ITPR2: variants seen among roughly 807,000 people sequenced by gnomAD.
The protein encoded by ITPR2 is inositol 1,4,5-trisphosphate-gated calcium channel ITPR2.
Under a neutral mutation model 317.1 loss-of-function variants are expected in ITPR2, and 207 were observed. The observed-to-expected ratio is 0.65, with a 90% CI of 0.58 to 0.73. The LOEUF is 0.73. Among genes scored for constraint, ITPR2 ranks in the 30% least tolerant of loss-of-function variants. ITPR2 has a pLI of 0.00. For missense variants in ITPR2, 2,613 were observed against 3,284.0 expected, an observed-to-expected ratio of 0.80 and a Z score of 4.99; for synonymous variants, 1,156 against 1,149.1, an observed-to-expected ratio of 1.01 and a Z score of -0.12.
At chr12:26,404,759 A>G (rs1218401922) in intron 52 of ITPR2, among the ~76,000 whole-genome samples, 1 of 152,204 alleles carries the variant, frequency 6.6e-6, no homozygotes, top group Non-Finnish European at 1.5e-5. Flanking sequence ...AGATGATGAC[A>G]AGGAAAAGAT....
intron 32 of ITPR2, among the ~76,000 whole-genome samples, chr12:26,592,108 C>T (rs973047210): frequency 3.3e-5 from 5 of 152,114 alleles, no homozygotes; most frequent in Non-Finnish European, 7.4e-5. Context: ...ACAACATAGA[C>T]GGAACTGGAG....
chr12:26,365,022 T>C (rs1419351103), intron 55 of ITPR2, among the ~76,000 whole-genome samples: 1 of 152,206 alleles, frequency 6.6e-6, no homozygotes, highest in Non-Finnish European at 1.5e-5. Flanking sequence ...CTGACTACAG[T>C]TATCTGGTAT....
At chr12:26,756,979 C>A (rs1467553106) in intron 2 of ITPR2, among the ~76,000 whole-genome samples, 1 of 152,160 alleles carries the variant, frequency 6.6e-6, no homozygotes, top group Non-Finnish European at 1.5e-5. Flanking sequence ...GAAGCCTTTA[C>A]CAAGATAGCC....
intron 34 of ITPR2, among the ~76,000 whole-genome samples, chr12:26,567,159 G>C (rs972187479): frequency 1.3e-5 from 2 of 152,156 alleles, no homozygotes; most frequent in Non-Finnish European, 2.9e-5. Context: ...CATCAAATAA[G>C]TGTTGCTGCT....
At chr12:26,476,769 G>GTATTGGT (rs2136824327) in intron 44 of ITPR2, 143 bp downstream of exon 44, 1 of 601,578 alleles carries the variant, frequency 1.7e-6, no homozygotes, top group East Asian at 2.8e-5. Context: ...GCCTTCTGAG[G>GTATTGGT]TATTGGTAAT....
chr12:26,556,309 C>T lies in ITPR2; in HGVS notation c.4888G>A (p.Asp1630Asn). The T allele has an allele frequency of 1.9e-6, 3 of 1,614,070 alleles. No homozygotes were observed. Among genetic ancestry groups the T allele is most frequent in the Non-Finnish European group, 2.5e-6 (3 of 1,179,954 alleles). ...AGCAGTTCTGGACTGTACAATACAT[C>T]AACCAACACTGAGAATTCAGCCTGC... Reference protein sequence around the residue: ...MMQAEFSVLVDVLYSPELLFP... With the variant: ...MMQAEFSVLVNVLYSPELLFP... Residue 1630 changes from aspartate to asparagine, a missense_variant, in exon 36 of 57, where the codon GAT becomes AAT. Physicochemically the swap from Asp to Asn is conservative, Grantham distance 23 (BLOSUM62 1). Around this residue, in one of 9 missense-constraint regions of ITPR2, gnomAD observed 926 missense variants for 1,072.8 expected, o/e 0.86. Coordinates refer to ENST00000381340, the MANE Select transcript of ITPR2 (RefSeq NM_002223.4).
chr12:26,403,341 T>C (rs143802502), intron 52 of ITPR2, among the ~76,000 whole-genome samples: 1 of 152,238 alleles, frequency 6.6e-6, no homozygotes, highest in African/African-American at 2.4e-5. Context: ...TTAAACTTAA[T>C]CTTGAAATTA....
At chr12:26,679,728 T>G (rs1015644978) in intron 13 of ITPR2, among the ~76,000 whole-genome samples, 1 of 152,094 alleles carries the variant, frequency 6.6e-6, no homozygotes, top group African/African-American at 2.4e-5. Context: ...TATTTTTGCT[T>G]TTCTTTTTTC....
Position 26,829,531 on chromosome 12 carries a change from A to T in ITPR2, c.92+3159T>A, listed in dbSNP as rs958868081. ...AATTTTTTATATTTTTTGTACAGACAGGGTCTCCGTCTGTTGCCCAGGCTG... is the reference window on the plus strand; with the variant it reads ...AATTTTTTATATTTTTTGTACAGACTGGGTCTCCGTCTGTTGCCCAGGCTG... On this transcript the variant is annotated intron_variant, in intron 1 of 56. Transcript: ENST00000381340. Among the ~76,000 whole-genome samples, 3 of 152,070 alleles carry T rather than the reference A, an allele frequency of 2.0e-5. No homozygotes were observed. The East Asian group carries it at 5.8e-4, about 29-fold the overall frequency.
At chr12:26,543,497 G>A (rs1565592761) in intron 37 of ITPR2, among the ~76,000 whole-genome samples, 1 of 152,068 alleles carries the variant, frequency 6.6e-6, no homozygotes, top group South Asian at 2.1e-4. Flanking sequence ...AAATCACATT[G>A]CCCTCAGGCT....
intron 13 of ITPR2, among the ~76,000 whole-genome samples, chr12:26,669,561 G>A (rs761612878): frequency 1.3e-5 from 2 of 152,226 alleles, no homozygotes; most frequent in African/African-American, 4.8e-5. Flanking sequence ...CCAAGTCGGG[G>A]GAGGAGCCAA....
rs904978325 is a variant in ITPR2, at chr12:26,832,838, C to G, written c.-57G>C. 1 of 1,377,336 alleles carries G rather than the reference C, an allele frequency of 7.3e-7. No individual in the cohort carries two copies. The highest frequency in any genetic ancestry group is 1.8e-5 in the Admixed American group (1 of 56,444). The allele number at this position is 1,377,336 out of a possible 1,614,324, so 85.3% of individuals were successfully genotyped here. A position where few individuals can be genotyped will look rare whatever the true frequency, so the allele number is the denominator to read the frequency against. ...TTCTTCCCTGCGCCCTCGCCGCCCT[C>G]TCTCCAGGGAGCCGCCGCGGCAGAA... On this transcript the variant is annotated 5_prime_UTR_variant, in exon 1 of 57. Transcript: ENST00000381340.
chr12:26,694,162 A>C (rs1948291251), intron 10 of ITPR2, among the ~76,000 whole-genome samples: 1 of 152,204 alleles, frequency 6.6e-6, no homozygotes, highest in African/African-American at 2.4e-5. Flanking sequence ...TCTGTTGAAC[A>C]ATTTCACAGA....
intron 39 of ITPR2, among the ~76,000 whole-genome samples, chr12:26,493,402 C>T (rs910532849): frequency 1.3e-5 from 2 of 152,098 alleles, no homozygotes; most frequent in Non-Finnish European, 2.9e-5. Flanking sequence ...AGTAAGTAGA[C>T]AGTTTTCTTT....
In ITPR2 at chr12:26,361,800, T is replaced by C. The variant is rs571400682; in HGVS notation, c.7858-21472A>G. Among the ~76,000 whole-genome samples, 3 of 152,350 alleles carry C rather than the reference T, an allele frequency of 2.0e-5. No homozygotes were observed. In the East Asian group the frequency reaches 5.8e-4, roughly 29 times the overall value. On this transcript the variant is annotated intron_variant, in intron 55 of 56. Transcript: ENST00000381340. ...CAACATTTCAATAACATGCCTAATG[T>C]ATAACGTGAGGTTGAAATTATTTCC...
chr12:26,376,259 C>T (rs1174333410), intron 55 of ITPR2, among the ~76,000 whole-genome samples: 1 of 152,042 alleles, frequency 6.6e-6, no homozygotes, highest in Non-Finnish European at 1.5e-5. Context: ...AATGAAAATG[C>T]CTTGAAAATG....
At chr12:26,648,399 A>C (rs1947163950) in intron 21 of ITPR2, among the ~76,000 whole-genome samples, 1 of 152,224 alleles carries the variant, frequency 6.6e-6, no homozygotes, top group Admixed American at 6.5e-5. Context: ...AGGATAAAAA[A>C]GATGTAGTTC....
rs143951500 is a variant in ITPR2 at position 26,702,237 on chromosome 12, T to C, written c.952-6587A>G. 4.4e-3 allele frequency among the ~76,000 whole-genome samples: 668 copies of C among 152,018 alleles called. 2 individuals are homozygous for C. Among genetic ancestry groups the C allele is most frequent in the African/African-American group, 0.016 (647 of 41,470 alleles). On this transcript the variant is annotated intron_variant, in intron 9 of 56. Coordinates refer to ENST00000381340, the MANE Select transcript of ITPR2 (RefSeq NM_002223.4). ...CTTCCCCTCATGCCACCTAACTACATATATGCCCCACAGAAACCAACATTG... is the reference window on the plus strand; with the variant it reads ...CTTCCCCTCATGCCACCTAACTACACATATGCCCCACAGAAACCAACATTG...
At chr12:26,452,245 G>T (rs1001574620) in intron 45 of ITPR2, among the ~76,000 whole-genome samples, 1 of 146,284 alleles carries the variant, frequency 6.8e-6, no homozygotes, top group Non-Finnish European at 1.5e-5. Context: ...AAATCCACCA[G>T]TTTTTTTTTT....
Sources: gnomAD v4.1 joint callset for allele counts (sites outside exome capture counted in the v4.1 genomes callset) on GRCh38, gnomAD v4.1.1 for gene constraint, gnomAD v4.1.1 regional missense constraint, MANE v1.5 for transcripts, NCBI Gene and HGNC (gene_info 2026-07-23, HGNC 2026-07-21) for gene names.